PRKCH: variants seen among roughly 807,000 people sequenced by gnomAD.
PRKCH encodes protein kinase C eta.
PRKCH carries 28 observed loss-of-function variants against 82.5 expected under a neutral mutation model. The observed-to-expected ratio is 0.34, with a 90% confidence interval of 0.25 to 0.47. PRKCH has a LOEUF of 0.47. PRKCH is among the 20% of genes least tolerant of loss of function. The pLI, the probability that PRKCH is intolerant of heterozygous loss-of-function variation, is 1.00. For synonymous variants in PRKCH, 322 were observed against 327.4 expected (o/e 0.98, Z 0.18); for missense variants, 705 against 881.8 (o/e 0.80, Z 2.54).
At chr14:61,511,290 G>A (rs1292328325) in intron 10 of PRKCH, among the ~76,000 whole-genome samples, 4 of 152,118 alleles carry the variant, frequency 2.6e-5, no homozygotes, top group Non-Finnish European at 4.4e-5. Context: ...CCTGGCAGGT[G>A]ACTGTGGCCC....
chr14:61,387,619 C>T (rs977869735), intron 1 of PRKCH, among the ~76,000 whole-genome samples: 1 of 152,062 alleles, frequency 6.6e-6, no homozygotes, highest in African/African-American at 2.4e-5. Context: ...AAGCAACTAC[C>T]GTGAATAAAT....
intron 1 of PRKCH, among the ~76,000 whole-genome samples, chr14:61,241,212 G>A (rs1405383395): frequency 6.6e-6 from 1 of 152,224 alleles, no homozygotes; most frequent in Non-Finnish European, 1.5e-5. Flanking sequence ...GAAGTGTATA[G>A]GGTGAGGTTA....
At chr14:61,397,517 A>C (rs1180008363) in intron 2 of PRKCH, among the ~76,000 whole-genome samples, 1 of 152,274 alleles carries the variant, frequency 6.6e-6, no homozygotes, top group Non-Finnish European at 1.5e-5. Context: ...GACCAGCAGC[A>C]GAACTCTGTG....
At chr14:61,513,048 A>C (rs562149167) in intron 10 of PRKCH, among the ~76,000 whole-genome samples, 1 of 152,146 alleles carries the variant, frequency 6.6e-6, no homozygotes. Context: ...TTACAGTAAC[A>C]GTAGGATCAG....
rs184080887 is a variant in PRKCH, at chr14:61,375,412, C to T, written c.364-15813C>T. The stretch of plus-strand genomic sequence containing the variant: ...AGTTGCTACCATACTTTTCAGATAT[C>T]TTTATAGCAGTACCCCACTCTTGGT... On this transcript the variant is annotated intron_variant, in intron 1 of 13. Coordinates refer to ENST00000332981, the MANE Select transcript of PRKCH (RefSeq NM_006255.5). Among the ~76,000 whole-genome samples, 364 of 152,186 alleles carry T rather than the reference C, an allele frequency of 2.4e-3. 1 individual carries two copies. Among genetic ancestry groups the T allele is most frequent in the Middle Eastern group, 0.014 (4 of 294 alleles).
At chr14:61,405,117 C>A (rs1010976275) in intron 2 of PRKCH, among the ~76,000 whole-genome samples, 6 of 152,194 alleles carry the variant, frequency 3.9e-5, no homozygotes, top group African/African-American at 9.7e-5. Context: ...ATTCCAAATT[C>A]ATGATAACAA....
chr14:61,270,353 T>C (rs2045140622), intron 1 of PRKCH, among the ~76,000 whole-genome samples: 1 of 152,164 alleles, frequency 6.6e-6, no homozygotes, highest in Non-Finnish European at 1.5e-5. Context: ...GTCATGGCTT[T>C]GGTGCTATGA....
chr14:61,345,217 T>C (rs536949541), intron 1 of PRKCH, among the ~76,000 whole-genome samples: 9 of 152,338 alleles, frequency 5.9e-5, no homozygotes, highest in African/African-American at 2.2e-4. Context: ...GGATCTTCTG[T>C]CACTGTGGTC....
chr14:61,433,020 C>T (rs1883486830), intron 2 of PRKCH, among the ~76,000 whole-genome samples: 1 of 143,312 alleles, frequency 7.0e-6, no homozygotes, highest in Non-Finnish European at 1.5e-5. Context: ...TCTAAGTTCC[C>T]TCCCCTCACC....
At chr14:61,353,029 T>A (rs1436421359) in intron 1 of PRKCH, among the ~76,000 whole-genome samples, 1 of 152,166 alleles carries the variant, frequency 6.6e-6, no homozygotes, top group Non-Finnish European at 1.5e-5. Flanking sequence ...TCACACTAAG[T>A]GGGGTAAATA....
At chr14:61,516,375 A>G (rs2139984062) in intron 10 of PRKCH, among the ~76,000 whole-genome samples, 1 of 152,322 alleles carries the variant, frequency 6.6e-6, no homozygotes, top group East Asian at 1.9e-4. Flanking sequence ...TAAAAGTAAC[A>G]CACATAGGCT....
At chr14:61,268,109 T>G (rs954981373) in intron 1 of PRKCH, among the ~76,000 whole-genome samples, 2 of 152,186 alleles carry the variant, frequency 1.3e-5, no homozygotes, top group African/African-American at 4.8e-5. Flanking sequence ...TTGTACACAA[T>G]GCAGTGTTTT....
At chr14:61,243,799 G>C (rs1003406675) in intron 1 of PRKCH, among the ~76,000 whole-genome samples, 10 of 151,974 alleles carry the variant, frequency 6.6e-5, no homozygotes, top group Non-Finnish European at 1.2e-4. Flanking sequence ...TTTATAAAAA[G>C]CCTTTTTTCT....
At chr14:61,528,183 A>ACACACACAC (rs1566929563) in intron 10 of PRKCH, 29 of 38,656 alleles carry the variant, frequency 7.5e-4, no homozygotes, top group African/African-American at 1.6e-3. Context: ...CACACACACA[A>ACACACACAC]AGTATTTCTT....
intron 1 of PRKCH, among the ~76,000 whole-genome samples, chr14:61,372,835 T>C (rs1174547555): frequency 1.3e-5 from 2 of 152,082 alleles, no homozygotes. Context: ...TAAAGTTCTA[T>C]GGGTTTTAAC....
In PRKCH at chr14:61,322,230, C is replaced by G; in HGVS notation, c.129C>G (p.Pro43=). ...AGAAGGGCCACCAGCTGCTGGACCC[C>G]TATCTGACGGTGAGCGTGGACCAGG... The part of the protein sequence containing the change: ...LFKKGHQLLD[P]YLTVSVDQVR... The change falls in exon 1 of 14, where the codon CCC becomes CCG. Residue 43 remains proline, a synonymous_variant. Transcript: ENST00000332981. 1.2e-6 allele frequency: 2 copies of G among 1,613,486 alleles called. No homozygotes were observed. Among genetic ancestry groups the G allele is most frequent in the Non-Finnish European group, 1.7e-6 (2 of 1,179,884 alleles).
At chr14:61,313,637 T>G (rs1294806829) in intron 1 of PRKCH, among the ~76,000 whole-genome samples, 1 of 152,084 alleles carries the variant, frequency 6.6e-6, no homozygotes, top group Non-Finnish European at 1.5e-5. Flanking sequence ...AAAAGAAGGT[T>G]TAATTGGACT....
intron 2 of PRKCH, among the ~76,000 whole-genome samples, chr14:61,433,048 A>AAAAAAAAAAAAAAC (rs1883493945): frequency 6.6e-6 from 1 of 151,478 alleles, no homozygotes; most frequent in African/African-American, 2.4e-5. Context: ...CTCTTCAAAA[A>AAAAAAAAAAAAAAC]AAAAAAAAAA....
chr14:61,474,625 C>G (rs1487655395), intron 9 of PRKCH, among the ~76,000 whole-genome samples: 2 of 152,170 alleles, frequency 1.3e-5, no homozygotes, highest in Non-Finnish European at 1.5e-5. Context: ...TTGATGGGTA[C>G]AGCAAACCAA....
Sources: gnomAD v4.1 joint callset for allele counts (sites outside exome capture counted in the v4.1 genomes callset) on GRCh38, gnomAD v4.1.1 for gene constraint, MANE v1.5 for transcripts, NCBI Gene and HGNC (gene_info 2026-07-23, HGNC 2026-07-21) for gene names.